The following COL5A2 variants were observed in gnomAD, a reference collection of about 807,000 sequenced individuals.
COL5A2 encodes the protein collagen type V alpha 2 chain, also known as collagen alpha-2(V) chain.
Under a neutral mutation model 208.2 loss-of-function variants are expected in COL5A2, and 23 were observed. The observed-to-expected ratio is 0.11, with a 90% CI of 0.08 to 0.16. The LOEUF (loss-of-function observed/expected upper bound fraction) is 0.16. Among genes scored for constraint, COL5A2 ranks in the 10% least tolerant of loss-of-function variants. The pLI, the probability that COL5A2 is intolerant of heterozygous loss-of-function variation, is 1.00. For synonymous variants in COL5A2, 625 were observed against 628.5 expected, an observed-to-expected ratio of 0.99 and a Z score of 0.08; for missense variants, 1,590 against 1,956.4, an observed-to-expected ratio of 0.81 and a Z score of 3.53.
the COL5A2 span, among the ~76,000 whole-genome samples, chr2:189,401,055 T>TTTTTC: frequency 6.6e-6 from 1 of 151,860 alleles, no homozygotes; most frequent in Non-Finnish European, 1.5e-5. Context: ...ATTCTTTTCT[T>TTTTTC]ATTTCCAACT....
At chr2:189,185,328 T>C (rs956075342) in intron 1 of COL5A2, among the ~76,000 whole-genome samples, 1 of 152,234 alleles carries the variant, frequency 6.6e-6, no homozygotes, top group South Asian at 2.1e-4. Context: ...CCGACCCTAA[T>C]ATGCTATTTT....
intron 1 of COL5A2, among the ~76,000 whole-genome samples, chr2:189,207,940 T>C (rs1182121859): frequency 6.6e-6 from 1 of 152,226 alleles, no homozygotes; most frequent in Non-Finnish European, 1.5e-5. Flanking sequence ...TCAACTTTAA[T>C]TGTTAAAGTT....
chr2:189,287,020 A>G, the COL5A2 span, among the ~76,000 whole-genome samples: 63 of 152,224 alleles, frequency 4.1e-4, no homozygotes, highest in African/African-American at 1.5e-3. Flanking sequence ...TCTCCTGGGA[A>G]AGATATGGTT....
chr2:189,390,227 CA>C, the COL5A2 span, among the ~76,000 whole-genome samples: 1 of 152,064 alleles, frequency 6.6e-6, no homozygotes, highest in Non-Finnish European at 1.5e-5. Flanking sequence ...CTCACCCGCA[CA>C]AATCACAACA....
At chr2:189,359,912 C>A in the COL5A2 span, among the ~76,000 whole-genome samples, 2 of 151,954 alleles carry the variant, frequency 1.3e-5, no homozygotes, top group African/African-American at 4.8e-5. Context: ...TCAGTTGTAA[C>A]GTCTTCTTTT....
the COL5A2 span, among the ~76,000 whole-genome samples, chr2:189,261,991 T>C: frequency 2.0e-5 from 3 of 152,146 alleles, no homozygotes; most frequent in Non-Finnish European, 2.9e-5. Flanking sequence ...TTGATGAAAA[T>C]ATAAATAATT....
At chr2:189,264,217 G>C in the COL5A2 span, among the ~76,000 whole-genome samples, 451 of 151,998 alleles carry the variant, frequency 3.0e-3, 2 homozygotes, top group African/African-American at 0.01. Flanking sequence ...ATAAGTCCAA[G>C]AGATAATATT....
At chr2:189,053,504 C>T (rs760202972) in intron 37 of COL5A2, 27 bp from the exon 38 acceptor site, 3 of 1,583,964 alleles carry the variant, frequency 1.9e-6, no homozygotes, top group Non-Finnish European at 2.6e-6. Context: ...ATTACTGTAG[C>T]TTTCACACAT....
chr2:189,158,360 G>T (rs1005967108), intron 1 of COL5A2, among the ~76,000 whole-genome samples: 1 of 151,944 alleles, frequency 6.6e-6, no homozygotes, highest in Non-Finnish European at 1.5e-5. Context: ...AGCACTAAAA[G>T]TATTAACACA....
intron 2 of COL5A2, among the ~76,000 whole-genome samples, chr2:189,109,233 C>T (rs1162194767): frequency 6.6e-6 from 1 of 151,812 alleles, no homozygotes; most frequent in Non-Finnish European, 1.5e-5. Context: ...TTACTTTATT[C>T]CTGGGCTGTT....
intron 1 of COL5A2, among the ~76,000 whole-genome samples, chr2:189,205,807 AT>A (rs1162066270): frequency 6.6e-6 from 1 of 152,200 alleles, no homozygotes; most frequent in Non-Finnish European, 1.5e-5. Context: ...AAAAATAATG[AT>A]TTTTTATGAA....
chr2:189,303,974 G>C, the COL5A2 span, among the ~76,000 whole-genome samples: 1 of 152,138 alleles, frequency 6.6e-6, no homozygotes, highest in Non-Finnish European at 1.5e-5. Context: ...TCACAAGCTA[G>C]AGTAGATTAG....
At chr2:189,314,819 T>A in the COL5A2 span, among the ~76,000 whole-genome samples, 2 of 152,258 alleles carry the variant, frequency 1.3e-5, no homozygotes, top group South Asian at 4.1e-4. Context: ...GCACATAAAC[T>A]AGAAAATCTA....
chr2:189,263,376 T>C, the COL5A2 span, among the ~76,000 whole-genome samples: 1 of 152,164 alleles, frequency 6.6e-6, no homozygotes, highest in Non-Finnish European at 1.5e-5. Flanking sequence ...TACAGTCATG[T>C]ACTGCATAAT....
intron 1 of COL5A2, among the ~76,000 whole-genome samples, chr2:189,200,874 A>G (rs1040766228): frequency 6.6e-6 from 1 of 152,070 alleles, no homozygotes; most frequent in African/African-American, 2.4e-5. Context: ...CCAGCAAGCT[A>G]TCTTTCAAAA....
chr2:189,047,666 G>A (rs920922554), intron 45 of COL5A2, among the ~76,000 whole-genome samples: 6 of 152,166 alleles, frequency 3.9e-5, no homozygotes, highest in Non-Finnish European at 8.8e-5. Context: ...GGAGTGGGGA[G>A]TGATTTTGCC....
At chr2:189,420,560 T>C in the COL5A2 span, among the ~76,000 whole-genome samples, 1 of 152,138 alleles carries the variant, frequency 6.6e-6, no homozygotes, top group African/African-American at 2.4e-5. Context: ...CCCAAATATA[T>C]GTATATTTAT....
At chr2:189,384,022 A>C in the COL5A2 span, among the ~76,000 whole-genome samples, 1 of 151,970 alleles carries the variant, frequency 6.6e-6, no homozygotes, top group Non-Finnish European at 1.5e-5. Flanking sequence ...TTCTTGCCAT[A>C]CCTGGCTTAT....
the COL5A2 span, among the ~76,000 whole-genome samples, chr2:189,359,672 T>C: frequency 7.2e-4 from 109 of 152,272 alleles, no homozygotes; most frequent in South Asian, 3.5e-3. Context: ...CTTTTATAGA[T>C]TCAGTAGTGA....
Sources: allele counts gnomAD v4.1 joint callset (sites outside exome capture counted in the v4.1 genomes callset), GRCh38; gene constraint gnomAD v4.1.1; transcripts MANE v1.5; gene names NCBI Gene and HGNC (gene_info 2026-07-23, HGNC 2026-07-21).